EDEM1: variants seen among roughly 807,000 people sequenced by gnomAD.
The protein encoded by EDEM1 is ER degradation enhancing alpha-mannosidase like protein 1.
EDEM1 carries 67 observed loss-of-function variants against 74.4 expected under a neutral mutation model. The observed-to-expected ratio is 0.90, with a 90% CI of 0.74 to 1.10. The LOEUF (loss-of-function observed/expected upper bound fraction) is 1.10, where lower values mean the gene tolerates loss of function less well. EDEM1 is among the 50% of genes least tolerant of loss of function. The pLI is 0.00. For synonymous variants in EDEM1, 382 were observed against 335.9 expected (o/e 1.14, Z -1.50); for missense variants, 926 against 851.6 (o/e 1.09, Z -1.09).
At chr3:5,193,124 G>A (rs1211977612) in intron 1 of EDEM1, among the ~76,000 whole-genome samples, 1 of 152,150 alleles carries the variant, frequency 6.6e-6, no homozygotes, top group African/African-American at 2.4e-5. Context: ...CGCAGATCTG[G>A]GTGTGACTCA....
Position 5,187,854 on chromosome 3 carries a change from C to T in EDEM1, c.49C>T (p.Leu17Phe). 2 of 1,595,846 alleles carry T rather than the reference C, an allele frequency of 1.3e-6. No individual in the cohort carries two copies. The highest frequency in any genetic ancestry group is 8.5e-7 in the Non-Finnish European group (1 of 1,172,502). ...VLGLVLLRLG[L>F]HGVLWLVFGL... Reference sequence around the variant, plus strand: ...GGGGCTGGTGCTCCTCCGGCTTGGCCTCCATGGAGTATTGTGGCTCGTCTT... The same window carrying T: ...GGGGCTGGTGCTCCTCCGGCTTGGCTTCCATGGAGTATTGTGGCTCGTCTT... Residue 17 changes from leucine to phenylalanine, a missense_variant, in exon 1 of 12, where the codon CTC (leucine) becomes TTC (phenylalanine). By Grantham distance (22) the Leu-to-Phe change is conservative. Transcript: ENST00000256497.
intron 4 of EDEM1, 40 bp from the exon 5 acceptor site, chr3:5,202,926 C>A (rs1370109639): frequency 1.3e-6 from 2 of 1,592,688 alleles, no homozygotes; most frequent in Non-Finnish European, 1.7e-6. Context: ...CTGTGGATTC[C>A]TTGAGTTTTG....
At chr3:5,202,060 G>T in intron 4 of EDEM1, 136 bp downstream of exon 4, 1 of 1,136,900 alleles carries the variant, frequency 8.8e-7, no homozygotes, top group South Asian at 1.7e-5. Context: ...AGAAGAATTT[G>T]GCCTTAAATA....
intron 1 of EDEM1, among the ~76,000 whole-genome samples, chr3:5,194,782 A>G (rs1036518148): frequency 6.6e-6 from 1 of 152,214 alleles, no homozygotes; most frequent in South Asian, 2.1e-4. Flanking sequence ...TGTGTGTAAT[A>G]TAGGCTGTGG....
rs1384581865 is a variant in EDEM1 at position 5,187,769 on chromosome 3, C to A, written c.-37C>A. The A allele has an allele frequency of 1.3e-6, 2 of 1,509,468 alleles. No individual in the cohort carries two copies. Among genetic ancestry groups the A allele is most frequent in the African/African-American group, 1.4e-5 (1 of 69,374 alleles). 93.5% of individuals were successfully genotyped at this position (1,509,468 alleles called of 1,614,324 possible). On this transcript the variant is annotated 5_prime_UTR_variant, in exon 1 of 12. Transcript: ENST00000256497. ...GTGCGGTGGTCGGCGGGGAGGCCCC[C>A]GCGCTTTAAAATAATGCCCGCGGCG...
At chr3:5,201,659 T>C in intron 3 of EDEM1, 94 bp from the exon 4 acceptor site, 1 of 1,463,780 alleles carries the variant, frequency 6.8e-7, no homozygotes, top group East Asian at 2.3e-5. Context: ...TCTGAGTCTA[T>C]GTGGATATGA....
chr3:5,215,970 G>C lies in EDEM1; in HGVS notation c.*52G>C. The C allele has an allele frequency of 6.7e-7, 1 of 1,490,910 alleles. No homozygotes were observed. Among genetic ancestry groups the C allele is most frequent in the Non-Finnish European group, 9.2e-7 (1 of 1,081,342 alleles). 92.4% of individuals were successfully genotyped at this position (1,490,910 alleles called of 1,614,324 possible). A position where few individuals can be genotyped will look rare whatever the true frequency, so the allele number is the denominator to read the frequency against. ...AACCAGACCTTAACGACCAAACCCA[G>C]ACCATGCCAAAGTCCAGTCTGAAAT... On this transcript the variant is annotated 3_prime_UTR_variant, in exon 12 of 12. Coordinates refer to ENST00000256497, the MANE Select transcript of EDEM1 (RefSeq NM_014674.3).
intron 1 of EDEM1, chr3:5,189,460 A>G (rs2054873155): frequency 6.6e-6 from 1 of 152,212 alleles, no homozygotes; most frequent in Non-Finnish European, 1.5e-5. Flanking sequence ...AATTCAAAGG[A>G]CTGAGCCTTT....
chr3:5,197,787 A>G lies in EDEM1; in HGVS notation c.583-1805A>G, dbSNP rs1009449251. Among the ~76,000 whole-genome samples the G allele has an allele frequency of 3.9e-5, 6 of 152,266 alleles. No individual in the cohort carries two copies. In the East Asian group the frequency reaches 7.7e-4, roughly 19 times the overall value. The stretch of plus-strand genomic sequence containing the variant: ...ATGCAACTTGCAGCATTATTGCATC[A>G]TCTTCTAAAAAGAAAGAACTGAAAG... On this transcript the variant is annotated intron_variant, in intron 2 of 11. Coordinates refer to ENST00000256497, the MANE Select transcript of EDEM1 (RefSeq NM_014674.3).
rs149808891 is a variant in EDEM1, at chr3:5,192,118, A to G, written c.510-3091A>G. Among the ~76,000 whole-genome samples, 209 of 152,288 alleles carry G rather than the reference A, an allele frequency of 1.4e-3. 1 individual carries two copies. Among genetic ancestry groups the G allele is most frequent in the African/African-American group, 4.9e-3 (204 of 41,572 alleles). On this transcript the variant is annotated intron_variant, in intron 1 of 11. Transcript: ENST00000256497. Reference sequence around the variant, plus strand: ...GTCAGGCTCCTCTTGTTTCCGTGACACCATCTAACTGTTTGAAGATGATTT... The same window carrying G: ...GTCAGGCTCCTCTTGTTTCCGTGACGCCATCTAACTGTTTGAAGATGATTT...
intron 6 of EDEM1, among the ~76,000 whole-genome samples, 182 bp from the exon 7 acceptor site, chr3:5,206,971 T>A (rs964631222): frequency 6.6e-6 from 1 of 152,268 alleles, no homozygotes; most frequent in African/African-American, 2.4e-5. Context: ...GAAAATATTA[T>A]CTTCTGCTAG....
chr3:5,210,342 T>C lies in EDEM1; in HGVS notation c.1583+94T>C. The stretch of plus-strand genomic sequence containing the variant: ...ATATCCTAGTTTGCATTTTAATTTA[T>C]AGAACCAGGTCATTAATGTTACATT... On this transcript the variant is annotated intron_variant, in intron 9 of 11. Coordinates refer to ENST00000256497, the MANE Select transcript of EDEM1 (RefSeq NM_014674.3). The C allele has an allele frequency of 2.6e-6, 3 of 1,175,730 alleles. No homozygotes were observed. In the South Asian group the frequency reaches 3.9e-5, roughly 15 times the overall value. 72.8% of individuals were successfully genotyped at this position (1,175,730 alleles called of 1,614,324 possible). A position where few individuals can be genotyped will look rare whatever the true frequency, so the allele number is the denominator to read the frequency against.
At chr3:5,214,947 C>T (rs938057918) in intron 11 of EDEM1, among the ~76,000 whole-genome samples, 8 of 152,106 alleles carry the variant, frequency 5.3e-5, no homozygotes, top group Non-Finnish European at 1.0e-4. Context: ...GAGTAATCTC[C>T]AGAGAAAATC....
At chr3:5,214,510 G>A (rs567104315) in intron 11 of EDEM1, among the ~76,000 whole-genome samples, 4 of 152,320 alleles carry the variant, frequency 2.6e-5, no homozygotes, top group South Asian at 2.1e-4. Flanking sequence ...AAGCATAATC[G>A]GGAGGAAGGG....
At position 5,201,897 on chromosome 3, in the gene EDEM1, C is replaced by G; in HGVS notation, c.831C>G (p.Asn277Lys). Residue 277 changes from asparagine to lysine, a missense_variant, in exon 4 of 12, where the codon AAC becomes AAG. Transcript: ENST00000256497. Reference protein sequence around the residue: ...LAVRLLPAFENTKTGIPYPRV... With the variant: ...LAVRLLPAFEKTKTGIPYPRV... ...TGCGGCTCCTCCCTGCTTTTGAAAA[C>G]ACCAAGACAGGGATTCCATATCCTC... The G allele has an allele frequency of 6.2e-7, 1 of 1,613,990 alleles. No individual in the cohort carries two copies.
At position 5,217,809 on chromosome 3, in the gene EDEM1, A is replaced by G. The variant is rs183718291; in HGVS notation, c.*1891A>G. 1.6e-4 allele frequency: 25 copies of G among 152,316 alleles called. No homozygotes were observed. Among genetic ancestry groups the G allele is most frequent in the African/African-American group, 6.0e-4 (25 of 41,572 alleles). The allele number at this position is 152,316 out of a possible 1,614,324, so 9.4% of individuals were successfully genotyped here. ...GAAAATGTTAATTACACACACATGC[A>G]TGCATGCACACACGAGCATACTTGT... On this transcript the variant is annotated 3_prime_UTR_variant, in exon 12 of 12. Transcript: ENST00000256497.
chr3:5,208,368 A>G (rs1426945469), intron 8 of EDEM1, 105 bp downstream of exon 8: 2 of 1,372,862 alleles, frequency 1.5e-6, no homozygotes, highest in Admixed American at 2.4e-5. Flanking sequence ...ATGTTGTTTC[A>G]TAGTGACTCT....
At chr3:5,208,795 A>G (rs1167339382) in intron 8 of EDEM1, among the ~76,000 whole-genome samples, 1 of 151,814 alleles carries the variant, frequency 6.6e-6, no homozygotes, top group Non-Finnish European at 1.5e-5. Flanking sequence ...ACACATATAT[A>G]TGTAATAGTG....
intron 4 of EDEM1, 35 bp downstream of exon 4, chr3:5,201,959 A>G: frequency 1.3e-6 from 2 of 1,578,314 alleles, no homozygotes; most frequent in African/African-American, 1.4e-5. Flanking sequence ...GTGTTTGACA[A>G]TTCACTATCT....
Sources: allele counts gnomAD v4.1 joint callset (sites outside exome capture counted in the v4.1 genomes callset), GRCh38; gene constraint gnomAD v4.1.1; transcripts MANE v1.5; gene names NCBI Gene and HGNC (gene_info 2026-07-23, HGNC 2026-07-21).